Variants in AFF1 observed in about 807,000 individuals in gnomAD.
AFF1 encodes the protein AF4/FMR2 family member 1.
Under a neutral mutation model 121.7 loss-of-function variants are expected in AFF1, and 48 were observed. The ratio of observed to expected loss-of-function variants is 0.39; its 90% confidence interval spans 0.31 to 0.50. The LOEUF is 0.50. Among genes scored for constraint, AFF1 ranks in the 20% least tolerant of loss-of-function variants. AFF1 has a pLI of 0.76. For missense variants in AFF1, 1,523 were observed against 1,511.7 expected (o/e 1.01, Z -0.12); for synonymous variants, 613 against 563.0 (o/e 1.09, Z -1.26).
chr4:86,957,123 G>C (rs1466002335), intron 2 of AFF1, among the ~76,000 whole-genome samples: 3 of 152,160 alleles, frequency 2.0e-5, no homozygotes, highest in Non-Finnish European at 4.4e-5. Flanking sequence ...CCAGGCATTT[G>C]GCATTATATC....
intron 5 of AFF1, among the ~76,000 whole-genome samples, chr4:87,084,707 A>G (rs1723545586): frequency 2.0e-5 from 3 of 152,198 alleles, no homozygotes; most frequent in Admixed American, 2.0e-4. Flanking sequence ...GTAGTCTTGG[A>G]ACGTAATTGA....
chr4:87,002,181 T>C (rs1439960018), intron 2 of AFF1, among the ~76,000 whole-genome samples: 2 of 151,180 alleles, frequency 1.3e-5, no homozygotes, highest in African/African-American at 4.9e-5. Flanking sequence ...TAATCTCAAA[T>C]TCCTGGGCCC....
At chr4:87,016,463 A>G (rs1261458908) in intron 2 of AFF1, among the ~76,000 whole-genome samples, 1 of 151,688 alleles carries the variant, frequency 6.6e-6, no homozygotes, top group African/African-American at 2.4e-5. Flanking sequence ...AGGCAGGAGA[A>G]TGGCATAAAC....
intron 2 of AFF1, among the ~76,000 whole-genome samples, chr4:86,970,012 T>C (rs1158270810): frequency 1.3e-5 from 2 of 151,942 alleles, no homozygotes. Flanking sequence ...TCTACCTAGA[T>C]AAACACATTC....
At chr4:87,044,216 AG>A (rs1730444869) in intron 2 of AFF1, among the ~76,000 whole-genome samples, 1 of 152,254 alleles carries the variant, frequency 6.6e-6, no homozygotes, top group Non-Finnish European at 1.5e-5. Flanking sequence ...TAGAAATACT[AG>A]ATTACTTTTT....
At chr4:87,022,702 A>G (rs1049008507) in intron 2 of AFF1, among the ~76,000 whole-genome samples, 50 of 104,342 alleles carry the variant, frequency 4.8e-4, no homozygotes, top group Middle Eastern at 5.6e-3. Flanking sequence ...ATCTGTGTGT[A>G]TATATATATC....
At chr4:87,090,163 C>A in intron 6 of AFF1, 93 bp downstream of exon 6, 3 of 1,028,948 alleles carry the variant, frequency 2.9e-6, no homozygotes, top group South Asian at 3.1e-5. Context: ...ATTACTTGTT[C>A]AAATCTTTGG....
chr4:87,126,104 C>G lies in AFF1; in HGVS notation c.2579C>G (p.Ser860Cys), dbSNP rs1407262973. 2 of 1,614,164 alleles carry G rather than the reference C, an allele frequency of 1.2e-6. No individual in the cohort carries two copies. Among genetic ancestry groups the G allele is most frequent in the Non-Finnish European group, 1.7e-6 (2 of 1,179,996 alleles). ...TACGTGATGTTTCACTCCAGGCCCT[C>G]CAGGCCCTCCTCACAGTCCTCAAAG... ...SHKESSKTKP[S>C]RPSSQSSKKE... Residue 860 changes from serine (S) to cysteine (C), a missense_variant, in exon 14 of 21, where the codon TCC becomes TGC. Coordinates refer to ENST00000395146, the MANE Select transcript of AFF1 (RefSeq NM_001166693.3).
chr4:86,973,827 C>T (rs1723110827), intron 2 of AFF1: 1 of 151,180 alleles, frequency 6.6e-6, no homozygotes, highest in Non-Finnish European at 1.5e-5. Flanking sequence ...CTTCATGCCA[C>T]AGATACTTAT....
intron 12 of AFF1, among the ~76,000 whole-genome samples, chr4:87,118,433 G>A (rs902624508): frequency 3.3e-5 from 5 of 152,226 alleles, no homozygotes; most frequent in Admixed American, 2.0e-4. Flanking sequence ...AATTTCATCA[G>A]TCTGATTACA....
At chr4:87,088,039 C>G (rs1322850787) in intron 5 of AFF1, among the ~76,000 whole-genome samples, 1 of 152,152 alleles carries the variant, frequency 6.6e-6, no homozygotes, top group Non-Finnish European at 1.5e-5. Flanking sequence ...AGTATTCATT[C>G]AGTACGGTAC....
Position 87,135,815 on chromosome 4 carries a change from C to A in AFF1, c.*114C>A. On this transcript the variant is annotated 3_prime_UTR_variant, in exon 21 of 21. Coordinates refer to ENST00000395146, the MANE Select transcript of AFF1 (RefSeq NM_001166693.3). ...ACCAAACTCTAAAAAAGAAGCACCA[C>A]GAGATGGCCAGGACATTTGTCCACT... 7.3e-7 allele frequency: 1 copy of A among 1,375,178 alleles called. No homozygotes were observed. The highest frequency in any genetic ancestry group is 9.6e-7 in the Non-Finnish European group (1 of 1,043,206). The allele number at this position is 1,375,178 out of a possible 1,614,324, so 85.2% of individuals were successfully genotyped here.
chr4:86,937,166 C>G (rs191367014), intron 1 of AFF1, among the ~76,000 whole-genome samples: 49 of 152,344 alleles, frequency 3.2e-4, no homozygotes, highest in African/African-American at 9.1e-4. Context: ...AAATATTAAT[C>G]TGCCTTATTC....
chr4:87,097,272 G>A (rs988542163), intron 8 of AFF1, among the ~76,000 whole-genome samples: 1 of 152,186 alleles, frequency 6.6e-6, no homozygotes, highest in Non-Finnish European at 1.5e-5. Flanking sequence ...CCGAAGTTGG[G>A]TAGTGACTGT....
At chr4:87,102,388 GTCTC>G (rs143799706) in intron 8 of AFF1, among the ~76,000 whole-genome samples, 27,537 of 152,028 alleles carry the variant, frequency 0.18, 2,670 homozygotes, top group Middle Eastern at 0.31. Context: ...TTAAATCAAA[GTCTC>G]TCTCTTGGTG....
At chr4:87,108,573 T>C (rs1726162780) in intron 11 of AFF1, among the ~76,000 whole-genome samples, 1 of 152,208 alleles carries the variant, frequency 6.6e-6, no homozygotes, top group African/African-American at 2.4e-5. Flanking sequence ...TCATTGCTAG[T>C]GGTGTTTTGA....
chr4:87,043,443 T>C (rs1271579959), intron 2 of AFF1, among the ~76,000 whole-genome samples: 1 of 152,182 alleles, frequency 6.6e-6, no homozygotes, highest in Non-Finnish European at 1.5e-5. Flanking sequence ...AAAACAAGTT[T>C]GAAGGAAAAA....
intron 2 of AFF1, among the ~76,000 whole-genome samples, chr4:87,022,622 GTATA>G (rs1369689185): frequency 8.2e-6 from 1 of 121,972 alleles, no homozygotes; most frequent in South Asian, 2.6e-4. Context: ...ATCTGTGTGT[GTATA>G]TATATGTGCG....
intron 4 of AFF1, among the ~76,000 whole-genome samples, chr4:87,051,520 G>T (rs1175644637): frequency 6.6e-6 from 1 of 151,608 alleles, no homozygotes; most frequent in African/African-American, 2.4e-5. Context: ...GAGTGCAATG[G>T]CGCAATCTTG....
Sources: allele counts gnomAD v4.1 joint callset (sites outside exome capture counted in the v4.1 genomes callset), GRCh38; gene constraint gnomAD v4.1.1; transcripts MANE v1.5; gene names NCBI Gene and HGNC (gene_info 2026-07-23, HGNC 2026-07-21).